SNTG1: variants seen among roughly 807,000 people sequenced by gnomAD.
SNTG1 encodes gamma-1-syntrophin.
SNTG1 carries 39 observed loss-of-function variants against 74.7 expected under a neutral mutation model. That is an observed-to-expected ratio of 0.52 (90% confidence interval 0.40 to 0.68). SNTG1 has a LOEUF of 0.68. Among genes scored for constraint, SNTG1 ranks in the 30% least tolerant of loss-of-function variants. The pLI is 0.00. For synonymous variants in SNTG1, 254 were observed against 217.1 expected (o/e 1.17, Z -1.49); for missense variants, 685 against 609.5 (o/e 1.12, Z -1.30).
intron 2 of SNTG1, among the ~76,000 whole-genome samples, chr8:50,264,905 A>G (rs182135719): frequency 1.3e-5 from 2 of 152,176 alleles, no homozygotes; most frequent in African/African-American, 4.8e-5. Flanking sequence ...CATTACCAGA[A>G]AGAAAAATAT....
At chr8:50,198,327 C>T (rs1307906445) in intron 2 of SNTG1, among the ~76,000 whole-genome samples, 4 of 152,162 alleles carry the variant, frequency 2.6e-5, no homozygotes, top group African/African-American at 7.2e-5. Context: ...CTGCTAATAG[C>T]GTTTTTCCTT....
chr8:50,293,777 C>A (rs566333038), intron 2 of SNTG1, among the ~76,000 whole-genome samples: 1 of 151,964 alleles, frequency 6.6e-6, no homozygotes, highest in Non-Finnish European at 1.5e-5. Context: ...ATCTGTAGTA[C>A]AGGGGTTAAG....
At chr8:50,240,794 A>G (rs560271980) in intron 2 of SNTG1, among the ~76,000 whole-genome samples, 65 of 152,354 alleles carry the variant, frequency 4.3e-4, no homozygotes, top group African/African-American at 1.4e-3. Context: ...TAATGCTTAA[A>G]CAAAGAAAAC....
At chr8:50,066,533 C>T (rs566857059) in intron 1 of SNTG1, among the ~76,000 whole-genome samples, 78 of 152,214 alleles carry the variant, frequency 5.1e-4, no homozygotes, top group Non-Finnish European at 1.1e-3. Flanking sequence ...AATTAAATTC[C>T]TTTCCTTTTC....
intron 13 of SNTG1, among the ~76,000 whole-genome samples, chr8:50,651,137 T>A (rs947125539): frequency 3.9e-5 from 6 of 152,324 alleles, no homozygotes; most frequent in African/African-American, 1.4e-4. Flanking sequence ...TACATTATTA[T>A]TCTCTCTTAA....
intron 18 of SNTG1, among the ~76,000 whole-genome samples, chr8:50,766,736 G>T (rs1421775518): frequency 6.6e-6 from 1 of 151,788 alleles, no homozygotes; most frequent in Non-Finnish European, 1.5e-5. Context: ...AAACTTATTG[G>T]AAGATTTTAC....
At chr8:50,571,930 C>A (rs917414166) in intron 12 of SNTG1, among the ~76,000 whole-genome samples, 4 of 152,078 alleles carry the variant, frequency 2.6e-5, no homozygotes, top group Admixed American at 2.0e-4. Flanking sequence ...AAGCCAAGGA[C>A]CCCTGATGAG....
chr8:49,972,992 G>C (rs1585722074), intron 1 of SNTG1, among the ~76,000 whole-genome samples: 1 of 152,136 alleles, frequency 6.6e-6, no homozygotes. Flanking sequence ...AATGCCATTT[G>C]ACCCAGCCAT....
At chr8:50,282,781 AAAAT>A (rs59187231) in intron 2 of SNTG1, among the ~76,000 whole-genome samples, 1 of 152,110 alleles carries the variant, frequency 6.6e-6, no homozygotes, top group African/African-American at 2.4e-5. Flanking sequence ...AAAAAAAGGA[AAAAT>A]AAATAAATAA....
chr8:50,443,275 T>C (rs2131590508), intron 5 of SNTG1, among the ~76,000 whole-genome samples: 1 of 152,318 alleles, frequency 6.6e-6, no homozygotes, highest in East Asian at 1.9e-4. Context: ...TTCATTGTCA[T>C]TTAAAAATTT....
At chr8:50,292,195 C>T (rs1330565219) in intron 2 of SNTG1, among the ~76,000 whole-genome samples, 1 of 151,992 alleles carries the variant, frequency 6.6e-6, no homozygotes. Context: ...GACAGAAGTG[C>T]AGAGGGAGGA....
At chr8:50,112,563 C>T (rs1340514040) in intron 1 of SNTG1, among the ~76,000 whole-genome samples, 1 of 118,538 alleles carries the variant, frequency 8.4e-6, no homozygotes, top group Non-Finnish European at 1.6e-5. Context: ...TGCTCTGTCA[C>T]CCAGGCTGGA....
chr8:50,452,147 T>A (rs566152161), intron 8 of SNTG1, among the ~76,000 whole-genome samples: 57 of 152,312 alleles, frequency 3.7e-4, no homozygotes, highest in South Asian at 1.0e-3. Context: ...ACACTTGGCA[T>A]AACTAATCAA....
chr8:50,492,846 T>C (rs1465850820), intron 8 of SNTG1, among the ~76,000 whole-genome samples: 1 of 152,218 alleles, frequency 6.6e-6, no homozygotes, highest in East Asian at 1.9e-4. Flanking sequence ...GGTTTCCTTC[T>C]AGAGTTTTTA....
chr8:50,197,970 T>C (rs2083841903), intron 2 of SNTG1, among the ~76,000 whole-genome samples: 1 of 152,212 alleles, frequency 6.6e-6, no homozygotes, highest in African/African-American at 2.4e-5. Flanking sequence ...TTGTCACTTA[T>C]AAATTGACCA....
intron 8 of SNTG1, among the ~76,000 whole-genome samples, chr8:50,456,519 A>G (rs1456246955): frequency 1.3e-5 from 2 of 152,116 alleles, no homozygotes; most frequent in African/African-American, 2.4e-5. Context: ...GAAGGGATGA[A>G]AGCTGGGTGG....
At chr8:50,006,876 G>GGCT (rs1352880043) in intron 1 of SNTG1, among the ~76,000 whole-genome samples, 1 of 152,190 alleles carries the variant, frequency 6.6e-6, no homozygotes, top group African/African-American at 2.4e-5. Flanking sequence ...GAACCTCTCA[G>GGCT]GCTGCTCATG....
chr8:49,910,590 C>A (rs1805528570), upstream of SNTG1, among the ~76,000 whole-genome samples: 2 of 152,110 alleles, frequency 1.3e-5, no homozygotes, highest in Admixed American at 1.3e-4. Flanking sequence ...TGGCTGAGCC[C>A]TGGGTGACAG....
intron 2 of SNTG1, among the ~76,000 whole-genome samples, chr8:50,258,330 G>A (rs2086983088): frequency 6.6e-6 from 1 of 152,062 alleles, no homozygotes; most frequent in African/African-American, 2.4e-5. Flanking sequence ...ATTTTAATGT[G>A]TATACAAATA....
Sources: allele counts gnomAD v4.1 joint callset (sites outside exome capture counted in the v4.1 genomes callset), GRCh38; gene constraint gnomAD v4.1.1; transcripts MANE v1.5; gene names NCBI Gene and HGNC (gene_info 2026-07-23, HGNC 2026-07-21).